Variants in SORT1 observed in about 807,000 individuals in gnomAD.
SORT1 encodes sortilin.
SORT1 carries 39 observed loss-of-function variants against 101.7 expected under a neutral mutation model. The ratio of observed to expected loss-of-function variants is 0.38; its 90% CI spans 0.30 to 0.50. SORT1 has a LOEUF of 0.50. Ranked by LOEUF, SORT1 falls within the 20% of genes least tolerant of loss-of-function variation. The probability of loss-of-function intolerance (pLI) is 0.90; values close to 1 mark genes in which losing one functional copy is unlikely to be tolerated. For synonymous variants in SORT1, 396 were observed against 393.7 expected (o/e 1.01, Z -0.07); for missense variants, 878 against 1,040.4 (o/e 0.84, Z 2.15).
At chr1:109,320,790 T>G (rs1387914752) in intron 15 of SORT1, among the ~76,000 whole-genome samples, 1 of 152,212 alleles carries the variant, frequency 6.6e-6, no homozygotes, top group African/African-American at 2.4e-5. Context: ...AATATATGGA[T>G]GCTGCTTGTA....
intron 1 of SORT1, among the ~76,000 whole-genome samples, chr1:109,395,007 G>A (rs1250999889): frequency 1.3e-5 from 2 of 151,686 alleles, no homozygotes; most frequent in Non-Finnish European, 2.9e-5. Context: ...ATACAGTTCA[G>A]GATTTTTTAT....
intron 1 of SORT1, among the ~76,000 whole-genome samples, chr1:109,385,972 A>G (rs1014264123): frequency 6.6e-6 from 1 of 152,220 alleles, no homozygotes. Flanking sequence ...CCAGGACCTG[A>G]TAAGTGCCTC....
At chr1:109,368,230 G>A (rs971682403) in intron 2 of SORT1, among the ~76,000 whole-genome samples, 2 of 148,246 alleles carry the variant, frequency 1.3e-5, no homozygotes, top group South Asian at 2.1e-4. Context: ...GGAGGTGGAC[G>A]TTGCTGTGAG....
chr1:109,323,093 C>T lies in SORT1; in HGVS notation c.1863G>A (p.Leu621=). The change falls in exon 15 of 20, where the codon CTG becomes CTA. Residue 621 remains leucine, a synonymous_variant. Transcript: ENST00000256637. The stretch of plus-strand genomic sequence containing the variant: ...AATCTTCAGGGTCTGTGGAGTGTGC[C>T]AGCCATATGGTATAGTCCTTCTCTT... The part of the protein sequence containing the change: ...NCEEKDYTIW[L]AHSTDPEDYE... 6.2e-7 allele frequency: 1 copy of T among 1,614,076 alleles called. No individual in the cohort carries two copies. Among genetic ancestry groups the T allele is most frequent in the Non-Finnish European group, 8.5e-7 (1 of 1,179,956 alleles).
chr1:109,323,781 A>G (rs59945429), intron 14 of SORT1, among the ~76,000 whole-genome samples: 6,758 of 152,286 alleles, frequency 0.044, 510 homozygotes, highest in African/African-American at 0.15. Flanking sequence ...ACAGCCTGCT[A>G]AAGAGCAGGT....
At chr1:109,339,593 A>G (rs1430062775) in intron 10 of SORT1, among the ~76,000 whole-genome samples, 1 of 152,226 alleles carries the variant, frequency 6.6e-6, no homozygotes, top group Non-Finnish European at 1.5e-5. Flanking sequence ...AGGAGAATAT[A>G]ATGTGTTTGC....
At chr1:109,327,854 C>T (rs543788535) in intron 11 of SORT1, among the ~76,000 whole-genome samples, 1 of 152,324 alleles carries the variant, frequency 6.6e-6, no homozygotes, top group South Asian at 2.1e-4. Flanking sequence ...TTACCTACTT[C>T]TTCCTCCTCC....
At chr1:109,342,462 G>A (rs1649294446) in intron 8 of SORT1, among the ~76,000 whole-genome samples, 1 of 152,164 alleles carries the variant, frequency 6.6e-6, no homozygotes, top group African/African-American at 2.4e-5. Context: ...TCCTTCAGTA[G>A]AGCTAAGGAT....
chr1:109,314,222 G>T (rs557855475), intron 19 of SORT1, 39 bp downstream of exon 19: 1,626 of 1,133,506 alleles, frequency 1.4e-3, no homozygotes, highest in African/African-American at 4.0e-3. Context: ...GTATTTTTTG[G>T]GGGGGGGGGT....
At chr1:109,375,589 T>C (rs1276631557) in intron 1 of SORT1, among the ~76,000 whole-genome samples, 1 of 128,870 alleles carries the variant, frequency 7.8e-6, no homozygotes, top group Non-Finnish European at 1.7e-5. Flanking sequence ...CCAAATGTGA[T>C]GAAAAGGATA....
intron 15 of SORT1, among the ~76,000 whole-genome samples, chr1:109,321,033 G>A (rs1300527070): frequency 6.6e-6 from 1 of 152,070 alleles, no homozygotes; most frequent in Non-Finnish European, 1.5e-5. Context: ...CACTTCCCAC[G>A]GGCATATCAG....
At chr1:109,363,410 T>C (rs1317496170) in intron 3 of SORT1, among the ~76,000 whole-genome samples, 3 of 152,172 alleles carry the variant, frequency 2.0e-5, no homozygotes, top group African/African-American at 7.2e-5. Context: ...ACTATACAAA[T>C]ATGATTCCCT....
chr1:109,319,116 T>C (rs1202661927), intron 15 of SORT1, among the ~76,000 whole-genome samples: 2 of 152,206 alleles, frequency 1.3e-5, no homozygotes, highest in Non-Finnish European at 2.9e-5. Flanking sequence ...CATTATTATG[T>C]TGCCCTTGCA....
At chr1:109,314,428 G>A (rs1478807430) in intron 18 of SORT1, 44 bp from the exon 19 acceptor site, 1 of 1,605,286 alleles carries the variant, frequency 6.2e-7, no homozygotes, top group African/African-American at 1.3e-5. Context: ...ACACAGCAGG[G>A]GTGCACTTCT....
At chr1:109,367,512 A>C (rs1651174639) in intron 2 of SORT1, 31 bp from the exon 3 acceptor site, 2 of 1,360,584 alleles carry the variant, frequency 1.5e-6, no homozygotes, top group African/African-American at 1.4e-5. Context: ...TCCGTAAATA[A>C]AAAAGATATT....
intron 3 of SORT1, among the ~76,000 whole-genome samples, chr1:109,365,749 T>C (rs1476596648): frequency 1.3e-5 from 2 of 152,238 alleles, no homozygotes; most frequent in Non-Finnish European, 2.9e-5. Context: ...CTTGCCTTCA[T>C]GGAATTTACA....
rs747450406 is a variant in SORT1, at chr1:109,393,573, G to A, written c.306+4014C>T. Reference sequence around the variant, plus strand: ...GTCTTCTAGGCCTGCTCAATTTCACGCATGTACAAAGGTTATACATGTCAT... The same window carrying A: ...GTCTTCTAGGCCTGCTCAATTTCACACATGTACAAAGGTTATACATGTCAT... On this transcript the variant is annotated intron_variant, in intron 1 of 19. Transcript: ENST00000256637. Among the ~76,000 whole-genome samples the A allele has an allele frequency of 5.3e-5, 8 of 152,130 alleles. 1 individual carries two copies. The highest frequency in any genetic ancestry group is 8.8e-5 in the Non-Finnish European group (6 of 68,024).
intron 3 of SORT1, among the ~76,000 whole-genome samples, 183 bp from the exon 4 acceptor site, chr1:109,355,652 C>T (rs576965195): frequency 3.6e-5 from 5 of 137,706 alleles, no homozygotes; most frequent in Admixed American, 2.9e-4. Context: ...CCCGCCCCCC[C>T]CCCCACAAAC....
intron 18 of SORT1, 93 bp downstream of exon 18, chr1:109,314,579 C>T: frequency 9.1e-7 from 1 of 1,100,442 alleles, no homozygotes; most frequent in East Asian, 2.4e-5. Context: ...ACTGCAAGTA[C>T]CTAGTTTTTG....
Sources: allele counts gnomAD v4.1 joint callset (sites outside exome capture counted in the v4.1 genomes callset), GRCh38; gene constraint gnomAD v4.1.1; transcripts MANE v1.5; gene names NCBI Gene and HGNC (gene_info 2026-07-23, HGNC 2026-07-21).